FAM135A: variants seen among roughly 807,000 people sequenced by gnomAD.
The protein encoded by FAM135A is protein FAM135A.
FAM135A carries 79 observed loss-of-function variants against 146.8 expected under a neutral mutation model. That is an observed-to-expected ratio of 0.54 (90% CI 0.45 to 0.65). The LOEUF is 0.65. Among genes scored for constraint, FAM135A ranks in the 30% least tolerant of loss-of-function variants. FAM135A has a pLI of 0.00. For missense variants in FAM135A, 1,623 were observed against 1,758.2 expected, an observed-to-expected ratio of 0.92 and a Z score of 1.38; for synonymous variants, 562 against 603.6, an observed-to-expected ratio of 0.93 and a Z score of 1.01.
At chr6:70,455,679 G>A (rs1778203439) in intron 5 of FAM135A, among the ~76,000 whole-genome samples, 1 of 152,022 alleles carries the variant, frequency 6.6e-6, no homozygotes, top group Non-Finnish European at 1.5e-5. Flanking sequence ...TCCTGAAGTT[G>A]CCAGTTGAGA....
chr6:70,433,265 G>A (rs1227599072), intron 4 of FAM135A, among the ~76,000 whole-genome samples: 1 of 151,932 alleles, frequency 6.6e-6, no homozygotes, highest in Non-Finnish European at 1.5e-5. Context: ...TATTAAAGAC[G>A]AGGTTTCACC....
intron 10 of FAM135A, among the ~76,000 whole-genome samples, chr6:70,488,486 T>C (rs1468726493): frequency 7.2e-6 from 1 of 138,596 alleles, no homozygotes; most frequent in Non-Finnish European, 1.6e-5. Context: ...CAGAAATATA[T>C]GATAATCATC....
intron 8 of FAM135A, among the ~76,000 whole-genome samples, chr6:70,479,147 C>G (rs1471713421): frequency 6.6e-6 from 1 of 152,064 alleles, no homozygotes; most frequent in Non-Finnish European, 1.5e-5. Context: ...GTGTTTCTTT[C>G]CTGCAAAATG....
At chr6:70,511,707 G>A (rs1035931337) in intron 12 of FAM135A, among the ~76,000 whole-genome samples, 3 of 151,770 alleles carry the variant, frequency 2.0e-5, no homozygotes, top group Middle Eastern at 3.2e-3. Flanking sequence ...GCTTTGTTAG[G>A]TGATTTCATC....
chr6:70,443,953 A>G (rs1582142481), intron 4 of FAM135A, among the ~76,000 whole-genome samples: 1 of 152,252 alleles, frequency 6.6e-6, no homozygotes, highest in Middle Eastern at 3.4e-3. Context: ...TTACAGATAT[A>G]CTTTTTATAC....
chr6:70,508,012 C>T (rs1480252972), intron 12 of FAM135A, among the ~76,000 whole-genome samples: 1 of 151,996 alleles, frequency 6.6e-6, no homozygotes, highest in African/African-American at 2.4e-5. Context: ...GACAAAGGAC[C>T]TTATTAATGG....
chr6:70,559,623 C>G (rs1266953727), intron 21 of FAM135A, 93 bp from the exon 22 acceptor site: 3 of 1,068,000 alleles, frequency 2.8e-6, no homozygotes, highest in South Asian at 1.8e-5. Flanking sequence ...AATAATGTAA[C>G]TAAATTTTAT....
At chr6:70,526,812 T>TAA in intron 15 of FAM135A, 114 bp downstream of exon 15, 3 of 829,406 alleles carry the variant, frequency 3.6e-6, no homozygotes, top group Admixed American at 3.4e-5. Flanking sequence ...CATATATATA[T>TAA]AAAATCATAG....
chr6:70,548,708 T>G (rs1404457814), intron 20 of FAM135A, among the ~76,000 whole-genome samples: 1 of 149,312 alleles, frequency 6.7e-6, no homozygotes, highest in African/African-American at 2.5e-5. Flanking sequence ...AGAAATCTTT[T>G]AAAAATCTTA....
chr6:70,429,641 A>G (rs1451604246), intron 4 of FAM135A, among the ~76,000 whole-genome samples: 2 of 152,204 alleles, frequency 1.3e-5, no homozygotes, highest in African/African-American at 4.8e-5. Flanking sequence ...TTTAATGTCT[A>G]GAGAAGAGTT....
At chr6:70,428,271 C>A (rs1770664581) in intron 3 of FAM135A, 33 bp from the exon 4 acceptor site, 9 of 1,054,468 alleles carry the variant, frequency 8.5e-6, no homozygotes, top group Non-Finnish European at 1.1e-5. Context: ...TTTTGTTACG[C>A]TTCTCATGAT....
chr6:70,452,659 C>T (rs971371350), intron 5 of FAM135A, 88 bp downstream of exon 5: 28 of 838,624 alleles, frequency 3.3e-5, no homozygotes, highest in Non-Finnish European at 4.4e-5. Context: ...ATATAAGATA[C>T]CTGTAATGGT....
At chr6:70,535,433 G>A (rs919989597) in intron 18 of FAM135A, among the ~76,000 whole-genome samples, 10 of 152,102 alleles carry the variant, frequency 6.6e-5, no homozygotes, top group African/African-American at 1.9e-4. Context: ...GCACTGGGGC[G>A]GGTGAGCAAG....
Position 70,526,699 on chromosome 6 carries a change from G to A in FAM135A, c.3614+1G>A, listed in dbSNP as rs779007314. On this transcript the variant is annotated splice_donor_variant, in intron 15 of 21. Transcript: ENST00000418814. LOFTEE classifies it high-confidence loss of function. ...GTTCACCAAAACCTCAAATACAAGC[G>A]TAAGTAATGGAACGTAATAGTACCT... The A allele has an allele frequency of 5.7e-6, 9 of 1,587,110 alleles. No homozygotes were observed. The highest frequency in any genetic ancestry group is 7.7e-6 in the Non-Finnish European group (9 of 1,168,684).
At chr6:70,535,386 G>C (rs542189437) in intron 18 of FAM135A, among the ~76,000 whole-genome samples, 1 of 152,236 alleles carries the variant, frequency 6.6e-6, no homozygotes, top group East Asian at 1.9e-4. Context: ...ACTGGTACCT[G>C]TCTGTGGCCT....
chr6:70,444,982 G>C (rs567369838), intron 4 of FAM135A, among the ~76,000 whole-genome samples: 1 of 151,930 alleles, frequency 6.6e-6, no homozygotes. Flanking sequence ...TTTTAAAATC[G>C]TAATTATTAC....
chr6:70,452,232 A>G (rs1777255376), intron 4 of FAM135A, among the ~76,000 whole-genome samples: 1 of 152,124 alleles, frequency 6.6e-6, no homozygotes. Context: ...GCTATCACAT[A>G]CAAAGTAAGA....
intron 12 of FAM135A, among the ~76,000 whole-genome samples, chr6:70,518,701 G>T (rs1792856151): frequency 6.6e-6 from 1 of 152,116 alleles, no homozygotes; most frequent in Non-Finnish European, 1.5e-5. Context: ...CTACTCTGCT[G>T]CATTAACAAA....
chr6:70,466,959 C>T (rs1009345138), intron 5 of FAM135A, among the ~76,000 whole-genome samples: 1 of 152,198 alleles, frequency 6.6e-6, no homozygotes, highest in Non-Finnish European at 1.5e-5. Context: ...TGTTTGGGAT[C>T]TTCCTTCACC....
Sources: gnomAD v4.1 joint callset for allele counts (sites outside exome capture counted in the v4.1 genomes callset) on GRCh38, gnomAD v4.1.1 for gene constraint, MANE v1.5 for transcripts, NCBI Gene and HGNC (gene_info 2026-07-23, HGNC 2026-07-21) for gene names.